The following RBFOX1 variants were observed in gnomAD, a reference collection of about 807,000 sequenced individuals.
The protein encoded by RBFOX1 is RNA binding protein fox-1 homolog 1.
Under a neutral mutation model 57.7 loss-of-function variants are expected in RBFOX1, and 8 were observed. The ratio of observed to expected loss-of-function variants is 0.14; its 90% CI spans 0.08 to 0.25. The LOEUF (loss-of-function observed/expected upper bound fraction) is 0.25. Among genes scored for constraint, RBFOX1 ranks in the 10% least tolerant of loss-of-function variants. RBFOX1 has a pLI of 1.00. For missense variants in RBFOX1, 611 were observed against 548.5 expected, an observed-to-expected ratio of 1.11 and a Z score of -1.14; for synonymous variants, 326 against 222.4, an observed-to-expected ratio of 1.47 and a Z score of -4.15.
chr16:6,837,066 G>A (rs1340740197), intron 3 of RBFOX1, among the ~76,000 whole-genome samples: 3 of 152,138 alleles, frequency 2.0e-5, no homozygotes, highest in Admixed American at 2.0e-4. Context: ...AGGATGAGTT[G>A]GAAATGATAT....
At chr16:7,467,613 T>G (rs2060765929) in intron 4 of RBFOX1, among the ~76,000 whole-genome samples, 1 of 152,170 alleles carries the variant, frequency 6.6e-6, no homozygotes, top group South Asian at 2.1e-4. Flanking sequence ...AATTCAACTG[T>G]AAAATTGTGG....
intron 3 of RBFOX1, among the ~76,000 whole-genome samples, chr16:5,818,717 T>A (rs1173356124): frequency 6.6e-6 from 1 of 152,178 alleles, no homozygotes; most frequent in African/African-American, 2.4e-5. Flanking sequence ...CAACAAAGAA[T>A]GAGCTTCAAG....
chr16:7,445,415 G>C (rs577320086), intron 4 of RBFOX1, among the ~76,000 whole-genome samples: 1 of 152,222 alleles, frequency 6.6e-6, no homozygotes, highest in South Asian at 2.1e-4. Context: ...ATGAAAGTAG[G>C]AATCACAATA....
chr16:7,025,766 G>C (rs2040726205), intron 3 of RBFOX1, among the ~76,000 whole-genome samples: 1 of 152,108 alleles, frequency 6.6e-6, no homozygotes, highest in South Asian at 2.1e-4. Flanking sequence ...GGAATCCTAG[G>C]TACTGAGAGG....
chr16:7,436,788 G>T (rs1187259206), intron 4 of RBFOX1, among the ~76,000 whole-genome samples: 3 of 152,192 alleles, frequency 2.0e-5, no homozygotes, highest in Non-Finnish European at 4.4e-5. Context: ...TCAGCCTGGT[G>T]CAGTGGCTCA....
chr16:5,587,815 T>G (rs935068803), intron 2 of RBFOX1, among the ~76,000 whole-genome samples: 2 of 152,174 alleles, frequency 1.3e-5, no homozygotes, highest in African/African-American at 2.4e-5. Context: ...CCTCAAATAT[T>G]AAGCAAAGAG....
chr16:6,787,831 T>C (rs1046317314), intron 3 of RBFOX1, among the ~76,000 whole-genome samples: 2 of 152,206 alleles, frequency 1.3e-5, no homozygotes, highest in South Asian at 2.1e-4. Flanking sequence ...GAAATAGAAG[T>C]ATATTTATAT....
chr16:7,065,769 G>T (rs2055851056), intron 4 of RBFOX1, among the ~76,000 whole-genome samples: 1 of 152,112 alleles, frequency 6.6e-6, no homozygotes, highest in Non-Finnish European at 1.5e-5. Flanking sequence ...TCCTGTCTAA[G>T]TGAAAGTTTG....
chr16:6,976,783 TATTA>T (rs2086993118), intron 3 of RBFOX1, among the ~76,000 whole-genome samples: 2 of 84,758 alleles, frequency 2.4e-5, no homozygotes, highest in African/African-American at 8.9e-5. Flanking sequence ...CATATCAATA[TATTA>T]TATATATGAT....
intron 3 of RBFOX1, among the ~76,000 whole-genome samples, chr16:6,691,745 T>G (rs2060242269): frequency 6.6e-6 from 1 of 152,192 alleles, no homozygotes; most frequent in Non-Finnish European, 1.5e-5. Flanking sequence ...CCAAGGAATT[T>G]TGCAGATATG....
At chr16:6,369,201 G>C (rs933297052) in intron 2 of RBFOX1, among the ~76,000 whole-genome samples, 3 of 152,104 alleles carry the variant, frequency 2.0e-5, no homozygotes, top group African/African-American at 7.2e-5. Context: ...CTTGTATTAA[G>C]TAATATACTG....
At position 7,657,558 on chromosome 16, in the gene RBFOX1, G is replaced by C. The variant is rs563444303; in HGVS notation, c.890+3611G>C. 2.6e-5 allele frequency among the ~76,000 whole-genome samples: 4 copies of C among 152,350 alleles called. No individual in the cohort carries two copies. The East Asian group carries it at 7.7e-4, about 29-fold the overall frequency. Reference sequence around the variant, plus strand: ...GACCTCAGGTGATCCGCCCATCTGGGCCTCCCAAAGTGCTGGGATTATAGG... The same window carrying C: ...GACCTCAGGTGATCCGCCCATCTGGCCCTCCCAAAGTGCTGGGATTATAGG... On this transcript the variant is annotated intron_variant, in intron 12 of 15. Coordinates refer to ENST00000550418, the MANE Select transcript of RBFOX1 (RefSeq NM_018723.4).
chr16:6,581,861 C>T (rs998553489), intron 2 of RBFOX1, among the ~76,000 whole-genome samples: 3 of 152,182 alleles, frequency 2.0e-5, no homozygotes, highest in African/African-American at 7.2e-5. Context: ...ATTACATGTC[C>T]AACACAATCA....
At chr16:6,991,902 T>C (rs1333103882) in intron 3 of RBFOX1, among the ~76,000 whole-genome samples, 1 of 152,212 alleles carries the variant, frequency 6.6e-6, no homozygotes, top group African/African-American at 2.4e-5. Flanking sequence ...TTCAGTTTCT[T>C]AGATCCTACC....
At position 6,801,955 on chromosome 16, in the gene RBFOX1, C is replaced by G. The variant is rs567548963; in HGVS notation, c.-16+147305C>G. ...TTCAGTAAATTTAATCTAAATGGGTCTAGGTGCTGGGGTGATTACCCTTAT... is the reference window on the plus strand; with the variant it reads ...TTCAGTAAATTTAATCTAAATGGGTGTAGGTGCTGGGGTGATTACCCTTAT... On this transcript the variant is annotated intron_variant, in intron 3 of 15. Transcript: ENST00000550418. Among the ~76,000 whole-genome samples the G allele has an allele frequency of 8.7e-4, 133 of 152,138 alleles. 1 individual carries two copies. The highest frequency in any genetic ancestry group is 3.0e-3 in the African/African-American group (126 of 41,488).
At chr16:7,693,361 T>G (rs143338985) in intron 14 of RBFOX1, 1 of 1,610,278 alleles carries the variant, frequency 6.2e-7, no homozygotes, top group East Asian at 2.2e-5. Flanking sequence ...TTGTAACACC[T>G]CTGCAGGTAA....
chr16:6,278,567 G>A (rs922249803), intron 1 of RBFOX1, among the ~76,000 whole-genome samples: 1 of 151,764 alleles, frequency 6.6e-6, no homozygotes, highest in African/African-American at 2.4e-5. Flanking sequence ...CCTTATCTCT[G>A]AATTTCTCTT....
chr16:6,717,594 T>G (rs1042755952), intron 3 of RBFOX1, among the ~76,000 whole-genome samples: 2 of 152,048 alleles, frequency 1.3e-5, no homozygotes, highest in Non-Finnish European at 2.9e-5. Context: ...TTTTTTTTTT[T>G]TTTACCCAGA....
At chr16:7,042,755 A>G (rs554906148) in intron 3 of RBFOX1, among the ~76,000 whole-genome samples, 19 of 152,112 alleles carry the variant, frequency 1.2e-4, no homozygotes, top group Non-Finnish European at 2.4e-4. Flanking sequence ...GCAAAACTCC[A>G]TCTCTGCTAC....
Sources: allele counts gnomAD v4.1 joint callset (sites outside exome capture counted in the v4.1 genomes callset), GRCh38; gene constraint gnomAD v4.1.1; transcripts MANE v1.5; gene names NCBI Gene and HGNC (gene_info 2026-07-23, HGNC 2026-07-21).